The following PPEF1 variants were observed in gnomAD, a reference collection of about 807,000 sequenced individuals.
PPEF1 encodes serine/threonine-protein phosphatase with EF-hands 1.
Under a neutral mutation model 53.3 loss-of-function variants are expected in PPEF1, and 12 were observed. That is an observed-to-expected ratio of 0.23 (90% CI 0.14 to 0.36). PPEF1 has a LOEUF of 0.36. Ranked by LOEUF, PPEF1 falls within the 10% of genes least tolerant of loss-of-function variation. The pLI, the probability that PPEF1 is intolerant of heterozygous loss-of-function variation, is 1.00. For synonymous variants in PPEF1, 165 were observed against 176.7 expected, an observed-to-expected ratio of 0.93 and a Z score of 0.52; for missense variants, 334 against 490.4, an observed-to-expected ratio of 0.68 and a Z score of 3.01.
At chrX:18,714,968 C>G (rs1232569865) in intron 1 of PPEF1, among the ~76,000 whole-genome samples, 1 of 112,098 alleles carries the variant, frequency 8.9e-6, no homozygotes, top group Non-Finnish European at 1.9e-5. Flanking sequence ...GGTCGTTCCA[C>G]CTGACCACAG....
intron 9 of PPEF1, among the ~76,000 whole-genome samples, 173 bp downstream of exon 9, chrX:18,784,221 G>T (rs750111264): frequency 6.8e-4 from 76 of 111,690 alleles, no homozygotes; most frequent in Non-Finnish European, 1.2e-3. Flanking sequence ...ATGACTGCAT[G>T]ATAAAGAACT....
intron 1 of PPEF1, 141 bp from the exon 2 acceptor site, chrX:18,730,040 A>C: frequency 1.8e-6 from 1 of 554,775 alleles, no homozygotes; most frequent in Non-Finnish European, 2.7e-6. Context: ...ATAAAAGTCA[A>C]TCTCATTGTT....
At chrX:18,814,075 A>G (rs1392672194) in intron 12 of PPEF1, among the ~76,000 whole-genome samples, 3 of 111,397 alleles carry the variant, frequency 2.7e-5, no homozygotes, top group Non-Finnish European at 5.6e-5. Context: ...GCTCCCACTT[A>G]AAAGTGAGAA....
intron 10 of PPEF1, among the ~76,000 whole-genome samples, chrX:18,799,337 C>T (rs923892384): frequency 3.6e-5 from 4 of 110,830 alleles, no homozygotes; most frequent in Non-Finnish European, 7.6e-5. Context: ...ACCCAGGAGG[C>T]GGAGGTTGCA....
intron 6 of PPEF1, among the ~76,000 whole-genome samples, chrX:18,772,764 A>T (rs944704110): frequency 1.8e-5 from 2 of 112,458 alleles, no homozygotes; most frequent in Non-Finnish European, 3.8e-5. Flanking sequence ...TAGCAGTCAA[A>T]CTATTGGCCA....
chrX:18,721,629 G>T (rs2044591841), intron 1 of PPEF1, among the ~76,000 whole-genome samples: 1 of 111,654 alleles, frequency 9.0e-6, no homozygotes, highest in South Asian at 3.8e-4. Context: ...TTTGCCTGAG[G>T]TTACTTAGCT....
chrX:18,753,638 A>G (rs1345883915), intron 4 of PPEF1, among the ~76,000 whole-genome samples: 1 of 111,506 alleles, frequency 9.0e-6, no homozygotes, highest in African/African-American at 3.3e-5. Flanking sequence ...AAGTTTTGAT[A>G]TGTTGTGTTT....
At chrX:18,807,755 G>A (rs961335755) in intron 12 of PPEF1, among the ~76,000 whole-genome samples, 5 of 110,859 alleles carry the variant, frequency 4.5e-5, no homozygotes, top group Admixed American at 3.9e-4. Flanking sequence ...CACCTACTGG[G>A]TTCAAGTGAT....
At chrX:18,822,827 A>G (rs2047090402) in intron 13 of PPEF1, among the ~76,000 whole-genome samples, 1 of 111,695 alleles carries the variant, frequency 9.0e-6, no homozygotes, top group Admixed American at 9.6e-5. Context: ...AAATTGAGCT[A>G]TAGTTTCAAT....
At chrX:18,778,635 A>G (rs910482874) in intron 6 of PPEF1, among the ~76,000 whole-genome samples, 1 of 111,534 alleles carries the variant, frequency 9.0e-6, no homozygotes, top group African/African-American at 3.3e-5. Context: ...TCTGGCTCGT[A>G]GTTTGGTGGT....
intron 3 of PPEF1, among the ~76,000 whole-genome samples, chrX:18,690,367 T>G (rs1369485379): frequency 9.5e-6 from 1 of 105,288 alleles, no homozygotes; most frequent in African/African-American, 3.5e-5. Flanking sequence ...TGTTTTTTTT[T>G]TTTTTTTTTT....
chrX:18,803,479 C>G lies in PPEF1; in HGVS notation c.1066-413C>G, dbSNP rs1017864253. On this transcript the variant is annotated intron_variant, in intron 10 of 15. Transcript: ENST00000470157. ...GGGCCTGCTCCCAACAATTTTGAGA[C>G]AGGGTCTCTGTCTGTCACCCAGGCT... Among the ~76,000 whole-genome samples, 14 of 112,517 alleles carry G rather than the reference C, an allele frequency of 1.2e-4. No individual in the cohort carries two copies. In the East Asian group the frequency reaches 1.4e-3, roughly 11 times the overall value.
intron 3 of PPEF1, 69 bp from the exon 4 acceptor site, chrX:18,749,723 A>G: frequency 1.3e-6 from 1 of 789,570 alleles, no homozygotes. Context: ...GATATTTATT[A>G]AATTTAAGTA....
chrX:18,702,934 G>C (rs990152711), upstream of PPEF1, among the ~76,000 whole-genome samples: 1 of 111,204 alleles, frequency 9.0e-6, no homozygotes, highest in Admixed American at 9.7e-5. Context: ...TGAACCCTGT[G>C]GAAGCCCCCC....
chrX:18,781,148 T>C (rs970867269), intron 7 of PPEF1, among the ~76,000 whole-genome samples: 4 of 110,197 alleles, frequency 3.6e-5, no homozygotes, highest in Non-Finnish European at 7.6e-5. Flanking sequence ...ATTCACGATA[T>C]TGGGAATGTG....
In PPEF1 at chrX:18,789,275, T is replaced by C; in HGVS notation, c.1065+2T>C. 8.3e-7 allele frequency: 1 copy of C among 1,206,900 alleles called. No individual in the cohort carries two copies. The highest frequency in any genetic ancestry group is 3.0e-5 in the East Asian group (1 of 33,801). On this transcript the variant is annotated splice_donor_variant, in intron 10 of 15. Transcript: ENST00000470157. LOFTEE classifies it high-confidence loss of function. ...TTAACAGAGCATGAATGGGAACAGG[T>C]AGGTAATCAGGGTGTTCACTGCAGT...
chrX:18,675,235 C>T (rs1348457765), upstream of PPEF1, among the ~76,000 whole-genome samples: 1 of 113,504 alleles, frequency 8.8e-6, no homozygotes, highest in Non-Finnish European at 1.9e-5. Context: ...AACTTTCCCT[C>T]AATCGAGGCG....
At chrX:18,803,287 C>A (rs1236987689) in intron 10 of PPEF1, among the ~76,000 whole-genome samples, 1 of 113,145 alleles carries the variant, frequency 8.8e-6, no homozygotes, top group Non-Finnish European at 1.9e-5. Flanking sequence ...CTTAAGAATG[C>A]CTTTCAGCGG....
At chrX:18,701,204 A>G (rs1426401144) in intron 6 of PPEF1, among the ~76,000 whole-genome samples, 1 of 112,453 alleles carries the variant, frequency 8.9e-6, no homozygotes, top group African/African-American at 3.2e-5. Context: ...AGCTACTATT[A>G]TGATTACTGG....
Sources: gnomAD v4.1 joint callset for allele counts (sites outside exome capture counted in the v4.1 genomes callset) on GRCh38, gnomAD v4.1.1 for gene constraint, MANE v1.5 for transcripts, NCBI Gene and HGNC (gene_info 2026-07-23, HGNC 2026-07-21) for gene names.